CDYL2: variants seen among roughly 807,000 people sequenced by gnomAD.
The protein encoded by CDYL2 is chromodomain Y like 2.
A neutral mutation model predicts 49.4 loss-of-function variants in CDYL2; 23 were observed. That is an observed-to-expected ratio of 0.47 (90% CI 0.34 to 0.66). The LOEUF (loss-of-function observed/expected upper bound fraction) is 0.66, where lower values mean the gene tolerates loss of function less well. Ranked by LOEUF, CDYL2 falls within the 30% of genes least tolerant of loss-of-function variation. The pLI, the probability that CDYL2 is intolerant of heterozygous loss-of-function variation, is 0.01. For missense variants in CDYL2, 678 were observed against 656.4 expected (o/e 1.03, Z -0.36); for synonymous variants, 360 against 268.8 (o/e 1.34, Z -3.32).
At chr16:80,660,794 T>C (rs1909009377) in intron 2 of CDYL2, among the ~76,000 whole-genome samples, 1 of 151,994 alleles carries the variant, frequency 6.6e-6, no homozygotes, top group African/African-American at 2.4e-5. Context: ...GCCCAATCAA[T>C]AGAGAAATGC....
In CDYL2 at chr16:80,678,275, C is replaced by G. The variant is rs1909836891; in HGVS notation, c.616+6263G>C. On this transcript the variant is annotated intron_variant, in intron 2 of 6. Coordinates refer to ENST00000570137, the MANE Select transcript of CDYL2 (RefSeq NM_152342.4). ...AATTGACAAATGGGATCTAATTAAA[C>G]TAAAGAGCTTCTGTACAGCAAAAGA... Among the ~76,000 whole-genome samples the G allele has an allele frequency of 2.0e-5, 3 of 152,276 alleles. No individual in the cohort carries two copies. The East Asian group carries it at 5.8e-4, about 29-fold the overall frequency.
At chr16:80,803,246 C>A (rs1355637487) in intron 1 of CDYL2, among the ~76,000 whole-genome samples, 1 of 152,220 alleles carries the variant, frequency 6.6e-6, no homozygotes, top group Non-Finnish European at 1.5e-5. Flanking sequence ...AGATGCCAGA[C>A]TAATGTCTTC....
intron 1 of CDYL2, among the ~76,000 whole-genome samples, chr16:80,798,697 G>A (rs950457772): frequency 5.9e-5 from 9 of 152,118 alleles, no homozygotes; most frequent in Non-Finnish European, 8.8e-5. Context: ...AGTTATATGT[G>A]AATTTTCAAC....
At chr16:80,780,544 A>C (rs929443219) in intron 1 of CDYL2, among the ~76,000 whole-genome samples, 15 of 151,338 alleles carry the variant, frequency 9.9e-5, no homozygotes, top group African/African-American at 3.6e-4. Flanking sequence ...AGCTGGGATT[A>C]CAGGCACCTG....
chr16:80,728,237 C>A (rs2142535644), intron 1 of CDYL2, among the ~76,000 whole-genome samples: 1 of 151,990 alleles, frequency 6.6e-6, no homozygotes, highest in Admixed American at 6.5e-5. Flanking sequence ...ATAACCAATA[C>A]AGAGAAGTGC....
chr16:80,638,555 C>A (rs941200526), intron 2 of CDYL2, among the ~76,000 whole-genome samples: 1 of 151,620 alleles, frequency 6.6e-6, no homozygotes, highest in Non-Finnish European at 1.5e-5. Flanking sequence ...AGGACTCACA[C>A]TACCCAATTC....
At chr16:80,641,380 T>C (rs1033129734) in intron 2 of CDYL2, among the ~76,000 whole-genome samples, 2 of 152,088 alleles carry the variant, frequency 1.3e-5, no homozygotes, top group East Asian at 1.9e-4. Context: ...CCTAGTATAG[T>C]ATATCTGGTG....
At chr16:80,796,433 C>T (rs1015524822) in intron 1 of CDYL2, among the ~76,000 whole-genome samples, 9 of 152,196 alleles carry the variant, frequency 5.9e-5, no homozygotes, top group Non-Finnish European at 1.2e-4. Context: ...ATCAATAGCA[C>T]CATCATCTTC....
intron 1 of CDYL2, among the ~76,000 whole-genome samples, chr16:80,739,979 C>A (rs977138078): frequency 1.3e-5 from 2 of 152,214 alleles, no homozygotes; most frequent in African/African-American, 4.8e-5. Flanking sequence ...GGCAATGTCA[C>A]TGTCTTTGCT....
intron 2 of CDYL2, chr16:80,639,759 C>T (rs1907998343): frequency 2.2e-6 from 1 of 455,692 alleles, no homozygotes; most frequent in Non-Finnish European, 4.4e-6. Flanking sequence ...TCTCTCCCCT[C>T]CCCCTGAAGC....
intron 2 of CDYL2, among the ~76,000 whole-genome samples, chr16:80,668,607 G>A (rs981086656): frequency 2.6e-5 from 4 of 152,020 alleles, no homozygotes; most frequent in Admixed American, 2.0e-4. Context: ...TGGGAAGGGA[G>A]AATATGGAGA....
At chr16:80,644,407 C>A (rs935048563) in intron 2 of CDYL2, among the ~76,000 whole-genome samples, 51 of 152,200 alleles carry the variant, frequency 3.4e-4, no homozygotes, top group Non-Finnish European at 3.4e-4. Context: ...CTGCCTGTTA[C>A]CCAGTTCCAA....
At chr16:80,653,495 A>T (rs1470769312) in intron 2 of CDYL2, among the ~76,000 whole-genome samples, 1 of 152,180 alleles carries the variant, frequency 6.6e-6, no homozygotes, top group Non-Finnish European at 1.5e-5. Flanking sequence ...AAACGAAAAA[A>T]CAAAAAAGTG....
intron 1 of CDYL2, among the ~76,000 whole-genome samples, chr16:80,802,977 CGGGAAGTGCA>C (rs1036537645): frequency 4.6e-5 from 7 of 152,022 alleles, no homozygotes; most frequent in Non-Finnish European, 7.4e-5. Flanking sequence ...ATTTATGTTC[CGGGAAGTGCA>C]GGTCCAGGCT....
At chr16:80,800,252 C>T (rs975967968) in intron 1 of CDYL2, among the ~76,000 whole-genome samples, 1 of 152,172 alleles carries the variant, frequency 6.6e-6, no homozygotes, top group African/African-American at 2.4e-5. Flanking sequence ...AAACATTTCT[C>T]CTTATACAGA....
At chr16:80,705,471 A>G (rs1034786798) in intron 1 of CDYL2, among the ~76,000 whole-genome samples, 4 of 152,238 alleles carry the variant, frequency 2.6e-5, no homozygotes, top group Admixed American at 6.5e-5. Context: ...ATCTGCTTTC[A>G]GGAATGTTCT....
chr16:80,785,233 A>G (rs1907396789), intron 1 of CDYL2, among the ~76,000 whole-genome samples: 2 of 152,194 alleles, frequency 1.3e-5, no homozygotes, highest in South Asian at 2.1e-4. Context: ...TCAGCCCAAA[A>G]TCTCCTTAAG....
rs1048296772 is a variant in CDYL2 at position 80,763,332 on chromosome 16, TG to T, written c.24+40817del. 3.7e-4 allele frequency among the ~76,000 whole-genome samples: 56 copies of T among 152,160 alleles called. No individual in the cohort carries two copies. In the Middle Eastern group the frequency reaches 0.01, roughly 28 times the overall value. On this transcript the variant is annotated intron_variant, in intron 1 of 6. Transcript: ENST00000570137. ...AAGAATAGAATATTTTCACCAGGGCTGGGTGAGGTGGCTCACACCTGTAATC... is the reference window on the plus strand; with the variant it reads ...AAGAATAGAATATTTTCACCAGGGCTGGTGAGGTGGCTCACACCTGTAATC...
chr16:80,611,818 C>T (rs1038012197), intron 5 of CDYL2, among the ~76,000 whole-genome samples: 2 of 152,226 alleles, frequency 1.3e-5, no homozygotes, highest in Non-Finnish European at 2.9e-5. Flanking sequence ...TGCCAGCTGT[C>T]ATCAGTGCTC....
Sources: allele counts gnomAD v4.1 joint callset (sites outside exome capture counted in the v4.1 genomes callset), GRCh38; gene constraint gnomAD v4.1.1; transcripts MANE v1.5; gene names NCBI Gene and HGNC (gene_info 2026-07-23, HGNC 2026-07-21).